The following SLC7A14 variants were observed in gnomAD, a reference collection of about 807,000 sequenced individuals.
The protein encoded by SLC7A14 is solute carrier family 7 member 14, also known as gamma-aminobutyric acid transporter SLC7A14.
SLC7A14 carries 37 observed loss-of-function variants against 60.2 expected under a neutral mutation model. The ratio of observed to expected loss-of-function variants is 0.61; its 90% CI spans 0.47 to 0.81. The LOEUF (loss-of-function observed/expected upper bound fraction) is 0.81. Among genes scored for constraint, SLC7A14 ranks in the 30% least tolerant of loss-of-function variants. The pLI, the probability that SLC7A14 is intolerant of heterozygous loss-of-function variation, is 0.00. For synonymous variants in SLC7A14, 399 were observed against 395.8 expected (o/e 1.01, Z -0.10); for missense variants, 886 against 982.7 (o/e 0.90, Z 1.32).
In SLC7A14 at chr3:170,480,634, G is replaced by A. The variant is rs777380110; in HGVS notation, c.1648C>T (p.Leu550Phe). 3.7e-6 allele frequency: 6 copies of A among 1,614,134 alleles called. No individual in the cohort carries two copies. The African/African-American group carries it at 6.7e-5, about 18-fold the overall frequency. ...HYYTMRIRLGLPGKMDRPTAA... is the reference protein window; with the variant it reads ...HYYTMRIRLGFPGKMDRPTAA... ...GTGGGCCGGTCCATTTTGCCTGGAAGGCCCAGCCGGATTCTCATGGTGTAA... is the reference window on the plus strand; with the variant it reads ...GTGGGCCGGTCCATTTTGCCTGGAAAGCCCAGCCGGATTCTCATGGTGTAA... Residue 550 changes from leucine to phenylalanine, a missense_variant, in exon 7 of 8, where the codon CTT (leucine) becomes TTT (phenylalanine). By Grantham distance (22) the Leu-to-Phe change is conservative. Transcript: ENST00000231706.
chr3:170,476,730 T>C (rs1291882403), intron 7 of SLC7A14: 1 of 152,246 alleles, frequency 6.6e-6, no homozygotes, highest in Non-Finnish European at 1.5e-5. Flanking sequence ...CCCCAAAGAA[T>C]AACCAGGTCA....
intron 2 of SLC7A14, among the ~76,000 whole-genome samples, chr3:170,521,044 T>C (rs1713325227): frequency 6.6e-6 from 1 of 152,184 alleles, no homozygotes; most frequent in African/African-American, 2.4e-5. Context: ...AAAAGGGCTT[T>C]TAGGTTTGGC....
intron 2 of SLC7A14, among the ~76,000 whole-genome samples, chr3:170,506,060 T>C (rs1236250073): frequency 1.3e-5 from 2 of 152,246 alleles, no homozygotes; most frequent in South Asian, 2.1e-4. Context: ...GGCATATTGA[T>C]TTCAAAAGTA....
rs1713521314 is a variant in SLC7A14, at chr3:170,526,821, G to A, written c.116C>T (p.Thr39Ile). The change falls in exon 2 of 8, where the codon ACT (threonine) becomes ATT (isoleucine). Residue 39 changes from threonine (T) to isoleucine (I), a missense_variant. Thr to Ile is a moderately conservative substitution (Grantham distance 89). Coordinates refer to ENST00000231706, the MANE Select transcript of SLC7A14 (RefSeq NM_020949.3). ...TKPVESMLEGTGTTTAHGTKL... is the reference protein window; with the variant it reads ...TKPVESMLEGIGTTTAHGTKL... ...AGTTCCATGTGCCGTGGTGGTCCCAGTTCCCTCTAGCATGGACTCCACTGG... is the reference window on the plus strand; with the variant it reads ...AGTTCCATGTGCCGTGGTGGTCCCAATTCCCTCTAGCATGGACTCCACTGG... 6.2e-7 allele frequency: 1 copy of A among 1,614,212 alleles called. No individual in the cohort carries two copies. Among genetic ancestry groups the A allele is most frequent in the Non-Finnish European group, 8.5e-7 (1 of 1,180,042 alleles).
chr3:170,572,652 C>T (rs900561535), intron 1 of SLC7A14, among the ~76,000 whole-genome samples: 1 of 152,122 alleles, frequency 6.6e-6, no homozygotes, highest in Non-Finnish European at 1.5e-5. Flanking sequence ...AGAACAGAGG[C>T]TATTCACTAA....
chr3:170,516,439 T>C (rs1713161002), intron 2 of SLC7A14, among the ~76,000 whole-genome samples: 1 of 151,668 alleles, frequency 6.6e-6, no homozygotes, highest in Non-Finnish European at 1.5e-5. Flanking sequence ...AATTTAGGGG[T>C]GGGCCAGGCA....
Position 170,489,001 on chromosome 3 carries a change from G to A in SLC7A14, c.760-2633C>T, listed in dbSNP as rs116585852. Among the ~76,000 whole-genome samples, 1,030 of 151,274 alleles carry A rather than the reference G, an allele frequency of 6.8e-3. 15 individuals are homozygous for A. Among genetic ancestry groups the A allele is most frequent in the African/African-American group, 0.024 (971 of 41,108 alleles). Reference sequence around the variant, plus strand: ...TCATAGGCTGTAAGACTACCCCTAGGGGATGTTTGGAAAGATGTTTGGAAA... The same window carrying A: ...TCATAGGCTGTAAGACTACCCCTAGAGGATGTTTGGAAAGATGTTTGGAAA... On this transcript the variant is annotated intron_variant, in intron 4 of 7. Transcript: ENST00000231706.
At position 170,465,258 on chromosome 3, in the gene SLC7A14, G is replaced by A. The variant is rs1300459405; in HGVS notation, c.*1797C>T. The A allele has an allele frequency of 1.3e-5, 2 of 152,198 alleles. No homozygotes were observed. The highest frequency in any genetic ancestry group is 3.8e-4 in the East Asian group (2 of 5,204). The allele number at this position is 152,198 out of a possible 1,614,324, so 9.4% of individuals were successfully genotyped here. ...TTTAAAGCATATTTTTTAAAAACTA[G>A]TTTCAATTCATCTTTATATGTATGT... On this transcript the variant is annotated 3_prime_UTR_variant, in exon 8 of 8. Coordinates refer to ENST00000231706, the MANE Select transcript of SLC7A14 (RefSeq NM_020949.3).
intron 1 of SLC7A14, among the ~76,000 whole-genome samples, chr3:170,581,268 T>A (rs965964272): frequency 9.9e-5 from 15 of 152,184 alleles, no homozygotes; most frequent in Non-Finnish European, 5.9e-5. Flanking sequence ...AGTAAAAATA[T>A]GTTTTGAAAA....
In SLC7A14 at chr3:170,463,514, C is replaced by T. The variant is rs944267896; in HGVS notation, c.*3541G>A. 6.6e-6 allele frequency: 1 copy of T among 152,034 alleles called. No homozygotes were observed. The highest frequency in any genetic ancestry group is 1.5e-5 in the Non-Finnish European group (1 of 68,034). 9.4% of individuals were successfully genotyped at this position (152,034 alleles called of 1,614,324 possible). A position where few individuals can be genotyped will look rare whatever the true frequency, so the allele number is the denominator to read the frequency against. Reference sequence around the variant, plus strand: ...TTCTTTATTTATATATCCCATTTCCCCTATTTGATTTTCCTTTTTAAGAGA... The same window carrying T: ...TTCTTTATTTATATATCCCATTTCCTCTATTTGATTTTCCTTTTTAAGAGA... On this transcript the variant is annotated 3_prime_UTR_variant, in exon 8 of 8. Transcript: ENST00000231706.
At chr3:170,520,434 G>T (rs1024249744) in intron 2 of SLC7A14, among the ~76,000 whole-genome samples, 2 of 152,202 alleles carry the variant, frequency 1.3e-5, no homozygotes, top group African/African-American at 4.8e-5. Context: ...CCATCAATGA[G>T]CAATGGGACC....
intron 4 of SLC7A14, among the ~76,000 whole-genome samples, chr3:170,492,741 C>T (rs747153521): frequency 4.6e-5 from 7 of 152,140 alleles, no homozygotes; most frequent in East Asian, 1.9e-4. Context: ...TGGCCCCCTG[C>T]GTCTTGCTGA....
At chr3:170,561,753 CTAA>C (rs1395863760) in intron 1 of SLC7A14, among the ~76,000 whole-genome samples, 3 of 152,160 alleles carry the variant, frequency 2.0e-5, no homozygotes, top group Non-Finnish European at 4.4e-5. Context: ...TGGCAAAGGA[CTAA>C]TATCCAGAAT....
chr3:170,546,954 T>A (rs2108302873), intron 1 of SLC7A14, among the ~76,000 whole-genome samples: 1 of 152,294 alleles, frequency 6.6e-6, no homozygotes, highest in African/African-American at 2.4e-5. Flanking sequence ...GGGGAGCTTT[T>A]AAAAATAATA....
At chr3:170,560,932 C>G in intron 1 of SLC7A14, among the ~76,000 whole-genome samples, 1 of 152,162 alleles carries the variant, frequency 6.6e-6, no homozygotes, top group Non-Finnish European at 1.5e-5. Flanking sequence ...ACTTTAACCA[C>G]GAGTACTTAT....
chr3:170,498,837 C>T lies in SLC7A14; in HGVS notation c.589G>A (p.Val197Ile). The T allele has an allele frequency of 1.9e-6, 3 of 1,614,136 alleles. No individual in the cohort carries two copies. The highest frequency in any genetic ancestry group is 1.7e-5 in the Admixed American group (1 of 60,016). The change falls in exon 4 of 8, where the codon GTC becomes ATC. Residue 197 changes from valine (V) to isoleucine (I), a missense_variant. Coordinates refer to ENST00000231706, the MANE Select transcript of SLC7A14 (RefSeq NM_020949.3). The stretch of plus-strand genomic sequence containing the variant: ...AGAGCAACAATGATGGTCACGATGA[C>T]CGCGATCAACAGAGCCAGAAGGTCT... ...YPDLLALLIAVIVTIIVALGV... is the reference protein window; with the variant it reads ...YPDLLALLIAIIVTIIVALGV...
chr3:170,498,929 G>C, intron 3 of SLC7A14, 45 bp from the exon 4 acceptor site: 1 of 1,596,402 alleles, frequency 6.3e-7, no homozygotes, highest in Non-Finnish European at 8.6e-7. Context: ...AGGGAAGAAA[G>C]GGCCATGCAA....
chr3:170,501,430 G>C, intron 2 of SLC7A14, 85 bp from the exon 3 acceptor site: 1 of 1,120,608 alleles, frequency 8.9e-7, no homozygotes, highest in Non-Finnish European at 1.3e-6. Context: ...GGAACATACT[G>C]AGACTTTCTA....
At chr3:170,541,406 TGG>T (rs1416943860) in intron 1 of SLC7A14, among the ~76,000 whole-genome samples, 1 of 152,130 alleles carries the variant, frequency 6.6e-6, no homozygotes, top group Non-Finnish European at 1.5e-5. Context: ...AAGACCAGCC[TGG>T]GCAGCATAGC....
Sources: gnomAD v4.1 joint callset for allele counts (sites outside exome capture counted in the v4.1 genomes callset) on GRCh38, gnomAD v4.1.1 for gene constraint, MANE v1.5 for transcripts, NCBI Gene and HGNC (gene_info 2026-07-23, HGNC 2026-07-21) for gene names.